The following ARMC8 variants were observed in gnomAD, a reference collection of about 807,000 sequenced individuals.
ARMC8 encodes armadillo repeat containing 8.
ARMC8 carries 20 observed loss-of-function variants against 99.3 expected under a neutral mutation model. The observed-to-expected ratio is 0.20, with a 90% CI of 0.14 to 0.29. The LOEUF is 0.29. ARMC8 is among the 10% of genes least tolerant of loss of function. The pLI, the probability that ARMC8 is intolerant of heterozygous loss-of-function variation, is 1.00. For missense variants in ARMC8, 569 were observed against 809.5 expected (o/e 0.70, Z 3.60); for synonymous variants, 263 against 278.3 (o/e 0.95, Z 0.55).
intron 5 of ARMC8, among the ~76,000 whole-genome samples, chr3:138,224,654 GC>G (rs2045588713): frequency 6.6e-6 from 1 of 152,192 alleles, no homozygotes; most frequent in Non-Finnish European, 1.5e-5. Context: ...GGGAGGCTGA[GC>G]CATGAAAATC....
intron 12 of ARMC8, among the ~76,000 whole-genome samples, chr3:138,251,508 T>C (rs1213595741): frequency 2.6e-5 from 4 of 152,234 alleles, no homozygotes; most frequent in African/African-American, 7.2e-5. Context: ...TCGGATTTCA[T>C]AATTCCTTGC....
intron 16 of ARMC8, 54 bp downstream of exon 16, chr3:138,270,186 C>A: frequency 7.7e-7 from 1 of 1,294,924 alleles, no homozygotes; most frequent in Non-Finnish European, 1.1e-6. Context: ...CAGCTATTGT[C>A]TAAGTTAGAA....
chr3:138,220,845 A>C (rs948483605), intron 2 of ARMC8, among the ~76,000 whole-genome samples: 4 of 151,796 alleles, frequency 2.6e-5, no homozygotes, highest in Non-Finnish European at 4.4e-5. Flanking sequence ...GCGTGCCACC[A>C]CACCTGGCTA....
chr3:138,282,080 C>T (rs1031287604), intron 18 of ARMC8, among the ~76,000 whole-genome samples: 4 of 152,136 alleles, frequency 2.6e-5, no homozygotes, highest in Admixed American at 1.3e-4. Context: ...CCAGGTTTTA[C>T]CTGTGTTCCC....
chr3:138,250,076 CAT>C (rs1354333519), intron 12 of ARMC8, among the ~76,000 whole-genome samples: 2 of 151,970 alleles, frequency 1.3e-5, no homozygotes, highest in Admixed American at 6.6e-5. Context: ...CTTTATATGA[CAT>C]GTGAAGAAAG....
At chr3:138,287,321 G>A (rs2050529866) in intron 19 of ARMC8, among the ~76,000 whole-genome samples, 1 of 152,036 alleles carries the variant, frequency 6.6e-6, no homozygotes, top group African/African-American at 2.4e-5. Context: ...TTTTTCTCCT[G>A]CTTGGAATTT....
At chr3:138,216,969 T>C (rs2045084564) in intron 2 of ARMC8, among the ~76,000 whole-genome samples, 1 of 152,248 alleles carries the variant, frequency 6.6e-6, no homozygotes, top group Non-Finnish European at 1.5e-5. Flanking sequence ...TGTATTTTTG[T>C]ATTTAAATAT....
intron 1 of ARMC8, among the ~76,000 whole-genome samples, chr3:138,199,102 C>T (rs896671581): frequency 2.0e-5 from 3 of 151,904 alleles, no homozygotes; most frequent in South Asian, 2.1e-4. Flanking sequence ...AGAAACTTTC[C>T]GAAGTTACTA....
At chr3:138,188,560 GT>G (rs774621208) in intron 1 of ARMC8, 3 of 1,613,926 alleles carry the variant, frequency 1.9e-6, no homozygotes, top group East Asian at 4.5e-5. Flanking sequence ...ATTTGCTATT[GT>G]TGGAAACAAG....
chr3:138,227,539 G>T (rs192664537), intron 5 of ARMC8, among the ~76,000 whole-genome samples: 1 of 152,136 alleles, frequency 6.6e-6, no homozygotes, highest in Non-Finnish European at 1.5e-5. Flanking sequence ...AAACACAAAG[G>T]GTTATACTAA....
At chr3:138,270,972 G>C (rs570269881) in intron 16 of ARMC8, among the ~76,000 whole-genome samples, 1 of 152,018 alleles carries the variant, frequency 6.6e-6, no homozygotes, top group African/African-American at 2.4e-5. Context: ...AAGATATATT[G>C]GTATATATTC....
intron 21 of ARMC8, 63 bp from the exon 22 acceptor site, chr3:138,295,796 A>G (rs1369144043): frequency 5.7e-6 from 9 of 1,573,214 alleles, no homozygotes; most frequent in South Asian, 1.1e-5. Flanking sequence ...TCATTGAACC[A>G]TAGGGTTTTT....
In ARMC8 at chr3:138,289,021, T is replaced by G. The variant is rs1232828785; in HGVS notation, c.1822-27T>G. 5 of 1,565,304 alleles carry G rather than the reference T, an allele frequency of 3.2e-6. No homozygotes were observed. The Admixed American group carries it at 7.0e-5, about 22-fold the overall frequency. On this transcript the variant is annotated intron_variant, in intron 19 of 21. Coordinates refer to ENST00000469044, the MANE Select transcript of ARMC8 (RefSeq NM_001363941.2). ...TAAAATGAGATTACCACCATTTTGA[T>G]TTTTTTTTCTTTTTCTGTATTAATA...
rs566717720 is a variant in ARMC8 at position 138,233,711 on chromosome 3, C to T, written c.529-1323C>T. On this transcript the variant is annotated intron_variant, in intron 6 of 21. Coordinates refer to ENST00000469044, the MANE Select transcript of ARMC8 (RefSeq NM_001363941.2). ...ATGGGTGTTTTGGCTCAAGAAAGAA[C>T]GAGCATCTTCATGACAGTTGTTACT... Among the ~76,000 whole-genome samples the T allele has an allele frequency of 6.2e-4, 94 of 152,266 alleles. No homozygotes were observed. The South Asian group carries it at 0.016, about 26-fold the overall frequency.
At chr3:138,190,803 G>A (rs1026087292) in intron 1 of ARMC8, among the ~76,000 whole-genome samples, 2 of 152,308 alleles carry the variant, frequency 1.3e-5, no homozygotes, top group Admixed American at 6.5e-5. Flanking sequence ...GAATACAGCC[G>A]TAAGCTACAC....
chr3:138,197,319 C>G (rs906290811), intron 1 of ARMC8, among the ~76,000 whole-genome samples: 1 of 152,168 alleles, frequency 6.6e-6, no homozygotes, highest in Non-Finnish European at 1.5e-5. Flanking sequence ...CAAGGCAGGG[C>G]TATTACTGCC....
At chr3:138,207,203 A>G (rs2044420705) in intron 1 of ARMC8, among the ~76,000 whole-genome samples, 1 of 152,210 alleles carries the variant, frequency 6.6e-6, no homozygotes, top group Non-Finnish European at 1.5e-5. Flanking sequence ...CCAATTCCTG[A>G]AAGAAGCCTT....
intron 5 of ARMC8, among the ~76,000 whole-genome samples, chr3:138,225,773 T>A (rs2045662575): frequency 6.6e-6 from 1 of 152,172 alleles, no homozygotes; most frequent in Non-Finnish European, 1.5e-5. Context: ...GTCAGAGATC[T>A]TATCCAGAAT....
At chr3:138,193,629 C>T (rs566347404) in intron 1 of ARMC8, among the ~76,000 whole-genome samples, 1 of 152,302 alleles carries the variant, frequency 6.6e-6, no homozygotes, top group African/African-American at 2.4e-5. Flanking sequence ...AATATTTTCT[C>T]CTAATCTGTA....
Sources: allele counts gnomAD v4.1 joint callset (sites outside exome capture counted in the v4.1 genomes callset), GRCh38; gene constraint gnomAD v4.1.1; transcripts MANE v1.5; gene names NCBI Gene and HGNC (gene_info 2026-07-23, HGNC 2026-07-21).